RAP1GAP2: variants seen among roughly 807,000 people sequenced by gnomAD.
RAP1GAP2 encodes RAP1 GTPase activating protein 2, also known as rap1 GTPase-activating protein 2.
Under a neutral mutation model 95.0 loss-of-function variants are expected in RAP1GAP2, and 27 were observed. The ratio of observed to expected loss-of-function variants is 0.28; its 90% CI spans 0.21 to 0.39. The LOEUF (loss-of-function observed/expected upper bound fraction) is 0.39. Among genes scored for constraint, RAP1GAP2 ranks in the 10% least tolerant of loss-of-function variants. The probability of loss-of-function intolerance (pLI) is 1.00; values close to 1 mark genes in which losing one functional copy is unlikely to be tolerated. For missense variants in RAP1GAP2, 771 were observed against 970.0 expected, an observed-to-expected ratio of 0.79 and a Z score of 2.72; for synonymous variants, 373 against 380.9, an observed-to-expected ratio of 0.98 and a Z score of 0.24.
chr17:2,978,456 C>A (rs1034287198), intron 8 of RAP1GAP2, among the ~76,000 whole-genome samples: 2 of 151,946 alleles, frequency 1.3e-5, no homozygotes, highest in African/African-American at 4.8e-5. Context: ...AGGGAAAATT[C>A]ATGTCCCGGG....
At chr17:2,940,671 A>C (rs769504559) in intron 3 of RAP1GAP2, among the ~76,000 whole-genome samples, 1 of 152,184 alleles carries the variant, frequency 6.6e-6, no homozygotes, top group Non-Finnish European at 1.5e-5. Context: ...CTGTCCCTGC[A>C]GGCTCTGCAG....
Position 3,012,437 on chromosome 17 carries a change from G to A in RAP1GAP2, c.1494+4292G>A, listed in dbSNP as rs2046580860. On this transcript the variant is annotated intron_variant, in intron 17 of 24. Coordinates refer to ENST00000254695, the MANE Select transcript of RAP1GAP2 (RefSeq NM_015085.5). ...GTTCGAGACCAGCCTGGCCAACGTGGTGAAACCCTGTCTCTACTAAAAATA... is the reference window on the plus strand; with the variant it reads ...GTTCGAGACCAGCCTGGCCAACGTGATGAAACCCTGTCTCTACTAAAAATA... Among the ~76,000 whole-genome samples the A allele has an allele frequency of 2.0e-5, 3 of 151,814 alleles. No individual in the cohort carries two copies. In the South Asian group the frequency reaches 6.2e-4, roughly 31 times the overall value.
chr17:3,020,728 G>A (rs529645001), intron 19 of RAP1GAP2, 133 bp downstream of exon 19: 2 of 720,614 alleles, frequency 2.8e-6, no homozygotes, highest in East Asian at 2.7e-5. Context: ...CTGCCTTCAG[G>A]CACCTGTGTG....
chr17:2,884,239 C>T (rs189963067), intron 2 of RAP1GAP2, among the ~76,000 whole-genome samples: 3 of 152,256 alleles, frequency 2.0e-5, no homozygotes, highest in East Asian at 1.9e-4. Flanking sequence ...GCTGAGAGAA[C>T]GCTCGCTGTG....
chr17:2,920,911 C>T (rs968712738), intron 3 of RAP1GAP2, among the ~76,000 whole-genome samples: 8 of 152,136 alleles, frequency 5.3e-5, no homozygotes, highest in African/African-American at 1.2e-4. Flanking sequence ...GTCATTTACC[C>T]GACACTCAAG....
chr17:2,924,072 T>C (rs2042877738), intron 3 of RAP1GAP2, among the ~76,000 whole-genome samples: 1 of 152,238 alleles, frequency 6.6e-6, no homozygotes, highest in Admixed American at 6.5e-5. Context: ...AAAAAGATTA[T>C]GATAAAAAGA....
At chr17:2,853,678 C>G (rs185147088) in intron 2 of RAP1GAP2, among the ~76,000 whole-genome samples, 2 of 145,880 alleles carry the variant, frequency 1.4e-5, no homozygotes, top group African/African-American at 2.5e-5. Flanking sequence ...CGGGGCGGGT[C>G]CCGGCGCGGG....
rs972277990 is a variant in RAP1GAP2 at position 2,963,457 on chromosome 17, G to A, written c.274G>A (p.Asp92Asn). 6 of 1,613,764 alleles carry A rather than the reference G, an allele frequency of 3.7e-6. No individual in the cohort carries two copies. The highest frequency in any genetic ancestry group is 1.7e-5 in the Admixed American group (1 of 60,002). Residue 92 changes from aspartate to asparagine, a missense_variant, in exon 6 of 25, where the codon GAC (aspartate) becomes AAC (asparagine). By Grantham distance (23) the Asp-to-Asn change is conservative (BLOSUM62 1). Transcript: ENST00000254695. The surrounding 1 kb of genome is among the most constrained non-coding windows in gnomAD (Gnocchi z 4.8). ...KDDYIPYPSI[D>N]EVVEKGGPYP... ...CGACTATATCCCATACCCCAGCATCGACGAGGTAGGTGCCCTCCCCTCACT... is the reference window on the plus strand; with the variant it reads ...CGACTATATCCCATACCCCAGCATCAACGAGGTAGGTGCCCTCCCCTCACT...
At chr17:3,017,957 A>G (rs8064800) in intron 17 of RAP1GAP2, 104 bp from the exon 18 acceptor site, 1,000,260 of 1,077,684 alleles carry the variant, frequency 0.93, 466,020 homozygotes, top group Non-Finnish European at 0.95. Flanking sequence ...GTATGTGTGC[A>G]CGCATACGTG....
intron 3 of RAP1GAP2, among the ~76,000 whole-genome samples, chr17:2,943,720 G>C (rs2043593103): frequency 6.6e-6 from 1 of 151,962 alleles, no homozygotes; most frequent in South Asian, 2.1e-4. Flanking sequence ...GTGTACTAAA[G>C]ACTTGAATAG....
upstream of RAP1GAP2, among the ~76,000 whole-genome samples, chr17:2,773,654 C>G (rs921345159): frequency 3.3e-5 from 5 of 151,798 alleles, no homozygotes; most frequent in Non-Finnish European, 7.4e-5. Context: ...AGCTGAATTC[C>G]AGGTCCAAGT....
chr17:2,905,141 C>A, intron 2 of RAP1GAP2, 143 bp from the exon 3 acceptor site: 1 of 652,446 alleles, frequency 1.5e-6, no homozygotes, highest in Non-Finnish European at 2.6e-6. Flanking sequence ...CCTCGGCCTC[C>A]CAAAGTGCTG....
intron 11 of RAP1GAP2, among the ~76,000 whole-genome samples, chr17:2,989,709 C>T (rs1248471582): frequency 6.6e-6 from 1 of 151,286 alleles, no homozygotes; most frequent in East Asian, 2.0e-4. Flanking sequence ...TTAAAAATAA[C>T]AGCTTTATTG....
At chr17:2,984,856 G>T (rs553873944) in intron 10 of RAP1GAP2, 127 bp from the exon 11 acceptor site, 8 of 1,484,846 alleles carry the variant, frequency 5.4e-6, no homozygotes, top group Non-Finnish European at 7.2e-6. Context: ...CTCCCTCCGT[G>T]TATGTGGATG....
intron 1 of RAP1GAP2, among the ~76,000 whole-genome samples, chr17:2,779,967 G>A (rs1450548622): frequency 6.6e-6 from 1 of 151,902 alleles, no homozygotes; most frequent in African/African-American, 2.4e-5. Flanking sequence ...AGGAAGGGAG[G>A]GCATTGGGTG....
chr17:2,886,322 G>A (rs2073505050), intron 2 of RAP1GAP2, among the ~76,000 whole-genome samples: 2 of 151,584 alleles, frequency 1.3e-5, no homozygotes, highest in South Asian at 4.2e-4. Flanking sequence ...ACAGGCACAC[G>A]CCACCACGCC....
intron 2 of RAP1GAP2, among the ~76,000 whole-genome samples, chr17:2,901,512 G>A (rs961779511): frequency 4.6e-5 from 7 of 152,026 alleles, no homozygotes; most frequent in African/African-American, 7.2e-5. Flanking sequence ...TGAGGGCTGC[G>A]GTTTTCAATC....
At chr17:2,803,352 C>T (rs557088431) in intron 2 of RAP1GAP2, among the ~76,000 whole-genome samples, 31 of 152,154 alleles carry the variant, frequency 2.0e-4, no homozygotes, top group African/African-American at 6.5e-4. Context: ...CATCTGGTTA[C>T]GCAAAAGATG....
chr17:2,855,381 A>C lies in RAP1GAP2; in HGVS notation c.81-49903A>C, dbSNP rs1039497982. 2.6e-5 allele frequency among the ~76,000 whole-genome samples: 4 copies of C among 152,184 alleles called. No individual in the cohort carries two copies. The highest frequency in any genetic ancestry group is 9.7e-5 in the African/African-American group (4 of 41,446). On this transcript the variant is annotated intron_variant, in intron 2 of 24. Transcript: ENST00000254695. The surrounding 1 kb of genome is among the most constrained non-coding windows in gnomAD (Gnocchi z 4.3). Reference sequence around the variant, plus strand: ...AGTCTGCCTTTAACACATTTTAAACACTTGCTAATCTTCCTTTTGTAATTA... The same window carrying C: ...AGTCTGCCTTTAACACATTTTAAACCCTTGCTAATCTTCCTTTTGTAATTA...
Sources: allele counts gnomAD v4.1 joint callset (sites outside exome capture counted in the v4.1 genomes callset), GRCh38; gene constraint gnomAD v4.1.1; non-coding constraint Gnocchi (gnomAD v3.1); transcripts MANE v1.5; gene names NCBI Gene and HGNC (gene_info 2026-07-23, HGNC 2026-07-21).